NTN1: variants seen among roughly 807,000 people sequenced by gnomAD.
The protein encoded by NTN1 is netrin 1.
Under a neutral mutation model 54.2 loss-of-function variants are expected in NTN1, and 11 were observed. That is an observed-to-expected ratio of 0.20 (90% CI 0.13 to 0.34). The LOEUF is 0.34. Ranked by LOEUF, NTN1 falls within the 10% of genes least tolerant of loss-of-function variation. The pLI is 1.00. For missense variants in NTN1, 740 were observed against 893.1 expected (o/e 0.83, Z 2.18); for synonymous variants, 371 against 382.0 (o/e 0.97, Z 0.33).
chr17:9,092,758 A>C (rs1437263268), intron 2 of NTN1, among the ~76,000 whole-genome samples: 1 of 69,976 alleles, frequency 1.4e-5, no homozygotes, highest in Non-Finnish European at 3.1e-5. Context: ...TGTTTGGCTA[A>C]TTTTTGTATT....
chr17:9,093,987 T>C (rs1260122396), intron 2 of NTN1, among the ~76,000 whole-genome samples: 1 of 151,966 alleles, frequency 6.6e-6, no homozygotes, highest in Non-Finnish European at 1.5e-5. Context: ...AAAGAAAATG[T>C]GGACAAGTTA....
intron 6 of NTN1, among the ~76,000 whole-genome samples, chr17:9,226,938 C>T (rs1422390303): frequency 6.6e-6 from 1 of 152,040 alleles, no homozygotes; most frequent in African/African-American, 2.4e-5. Flanking sequence ...GGAACTGGAG[C>T]ATCCCAGCCC....
intron 2 of NTN1, among the ~76,000 whole-genome samples, chr17:9,027,114 T>G (rs2091873882): frequency 6.6e-6 from 1 of 152,002 alleles, no homozygotes; most frequent in Admixed American, 6.6e-5. Context: ...ATATTGGAGG[T>G]GTTGCCATGA....
Position 9,109,535 on chromosome 17 carries a change from A to G in NTN1, c.1019-53278A>G, listed in dbSNP as rs2092182300. 2.6e-5 allele frequency among the ~76,000 whole-genome samples: 4 copies of G among 152,368 alleles called. No individual in the cohort carries two copies. In the South Asian group the frequency reaches 8.3e-4, roughly 32 times the overall value. The stretch of plus-strand genomic sequence containing the variant: ...AGCTACAATGTATCCATTTTCTATC[A>G]ATGGCCAGTCAGCTTTTCCCCAGTT... On this transcript the variant is annotated intron_variant, in intron 2 of 6. Coordinates refer to ENST00000173229, the MANE Select transcript of NTN1 (RefSeq NM_004822.3).
chr17:9,202,456 C>T (rs1466593038), intron 5 of NTN1, among the ~76,000 whole-genome samples: 1 of 152,168 alleles, frequency 6.6e-6, no homozygotes, highest in East Asian at 1.9e-4. Flanking sequence ...TCATTTGAGT[C>T]TGTGGGTACC....
intron 6 of NTN1, among the ~76,000 whole-genome samples, chr17:9,227,961 C>T (rs1199651359): frequency 2.0e-5 from 3 of 152,176 alleles, no homozygotes. Flanking sequence ...CATCACAGCA[C>T]TGCACATCCC....
intron 6 of NTN1, among the ~76,000 whole-genome samples, chr17:9,231,648 A>AG (rs1905818932): frequency 6.7e-6 from 1 of 149,940 alleles, no homozygotes. Flanking sequence ...GGCTCGCTGG[A>AG]GGTGGCACCT....
In NTN1 at chr17:9,219,223, G is replaced by A. The variant is rs1045649892; in HGVS notation, c.1412-1945G>A. ...CGTTGACTTGAGTGTTTGGGCTGCC[G>A]TCACTTTCATCCCAACCTCTCAGGC... On this transcript the variant is annotated intron_variant, in intron 5 of 6. Transcript: ENST00000173229. This position sits in a 1 kb window ranked among gnomAD's most constrained non-coding sequence, Gnocchi z 4.5. Among the ~76,000 whole-genome samples, 5 of 152,160 alleles carry A rather than the reference G, an allele frequency of 3.3e-5. No homozygotes were observed. Among genetic ancestry groups the A allele is most frequent in the Non-Finnish European group, 5.9e-5 (4 of 68,032 alleles).
intron 2 of NTN1, among the ~76,000 whole-genome samples, chr17:9,105,806 A>G (rs942889428): frequency 2.8e-4 from 43 of 152,026 alleles, no homozygotes; most frequent in African/African-American, 9.9e-4. Context: ...AAGTCCCCCA[A>G]ATGTGCAGGT....
At chr17:9,162,685 A>G (rs1196894537) in intron 2 of NTN1, 128 bp from the exon 3 acceptor site, 3 of 865,170 alleles carry the variant, frequency 3.5e-6, no homozygotes, top group Admixed American at 4.5e-5. Flanking sequence ...CCTGGAGCAC[A>G]AGTCTGCCTG....
chr17:9,009,241 G>A, the NTN1 span, among the ~76,000 whole-genome samples: 1 of 152,028 alleles, frequency 6.6e-6, no homozygotes, highest in Non-Finnish European at 1.5e-5. Flanking sequence ...AATCCAAACA[G>A]TCCTCTTGGG....
At chr17:9,237,270 G>C (rs759806256) in intron 6 of NTN1, among the ~76,000 whole-genome samples, 1 of 152,212 alleles carries the variant, frequency 6.6e-6, no homozygotes, top group Non-Finnish European at 1.5e-5. Context: ...CCACCTTCTC[G>C]TGTCCTTACA....
intron 2 of NTN1, among the ~76,000 whole-genome samples, chr17:9,143,545 T>A (rs541353179): frequency 2.2e-4 from 34 of 152,302 alleles, no homozygotes; most frequent in African/African-American, 8.2e-4. Flanking sequence ...CTCTCTCTCC[T>A]GAATTCCATG....
chr17:9,089,901 C>T (rs2092104305), intron 2 of NTN1, among the ~76,000 whole-genome samples: 1 of 151,844 alleles, frequency 6.6e-6, no homozygotes, highest in African/African-American at 2.4e-5. Context: ...TTTTTTTAAA[C>T]ACCAACAAGC....
rs376741805 is a variant in NTN1 at position 9,141,115 on chromosome 17, GT to G, written c.1019-21697del. On this transcript the variant is annotated intron_variant, in intron 2 of 6. Coordinates refer to ENST00000173229, the MANE Select transcript of NTN1 (RefSeq NM_004822.3). ...GCTTTTGAGCAATCTGAGATGTGGG[GT>G]GGGCGGTTGGATAGACACGTCAGAA... is the stretch of plus-strand genomic sequence containing the variant. Among the ~76,000 whole-genome samples, 50 of 152,222 alleles carry G rather than the reference GT, an allele frequency of 3.3e-4. 2 individuals are homozygous for G. The East Asian group carries it at 9.7e-3, about 29-fold the overall frequency.
At chr17:9,033,173 C>G (rs966951524) in intron 2 of NTN1, among the ~76,000 whole-genome samples, 9 of 151,950 alleles carry the variant, frequency 5.9e-5, no homozygotes, top group Admixed American at 5.9e-4. Flanking sequence ...AGGCTCGTCT[C>G]GAACTCCTGA....
intron 2 of NTN1, among the ~76,000 whole-genome samples, chr17:9,100,674 G>A (rs2142241730): frequency 6.6e-6 from 1 of 152,244 alleles, no homozygotes; most frequent in Middle Eastern, 3.4e-3. Context: ...ATCTTTTTGA[G>A]GATTGCTAGA....
At chr17:9,144,831 T>C (rs1023040296) in intron 2 of NTN1, among the ~76,000 whole-genome samples, 1 of 152,196 alleles carries the variant, frequency 6.6e-6, no homozygotes, top group Non-Finnish European at 1.5e-5. Context: ...CCTGTTTGCA[T>C]TTGTCAAGTT....
At chr17:9,020,238 G>T (rs1165113197), upstream of NTN1, among the ~76,000 whole-genome samples, 2 of 152,208 alleles carry the variant, frequency 1.3e-5, no homozygotes, top group Non-Finnish European at 2.9e-5. Context: ...CAGGACCTGG[G>T]GCTTTTCATC....
Sources: gnomAD v4.1 joint callset for allele counts (sites outside exome capture counted in the v4.1 genomes callset) on GRCh38, gnomAD v4.1.1 for gene constraint, Gnocchi (gnomAD v3.1) non-coding constraint, MANE v1.5 for transcripts, NCBI Gene and HGNC (gene_info 2026-07-23, HGNC 2026-07-21) for gene names.